The following SLAIN2 variants were observed in gnomAD, a reference collection of about 807,000 sequenced individuals.
SLAIN2 encodes SLAIN motif-containing protein 2.
In SLAIN2, 31 loss-of-function variants were observed where a neutral mutation model predicts 56.6. The ratio of observed to expected loss-of-function variants is 0.55; its 90% CI spans 0.41 to 0.74. The LOEUF (loss-of-function observed/expected upper bound fraction) is 0.74. Among genes scored for constraint, SLAIN2 ranks in the 30% least tolerant of loss-of-function variants. SLAIN2 has a pLI of 0.00. For missense variants in SLAIN2, 777 were observed against 754.2 expected, an observed-to-expected ratio of 1.03 and a Z score of -0.35; for synonymous variants, 317 against 284.9, an observed-to-expected ratio of 1.11 and a Z score of -1.13.
intron 1 of SLAIN2, among the ~76,000 whole-genome samples, chr4:48,346,296 G>A (rs956981079): frequency 6.6e-6 from 1 of 151,780 alleles, no homozygotes; most frequent in Admixed American, 6.6e-5. Context: ...GATCCTGCCC[G>A]TGTTCACCAT....
In SLAIN2 at chr4:48,423,260, T is replaced by G. The variant is rs1717209632; in HGVS notation, c.*1183T>G. 7.3e-6 allele frequency: 1 copy of G among 136,366 alleles called. No homozygotes were observed. Among genetic ancestry groups the G allele is most frequent in the Admixed American group, 7.4e-5 (1 of 13,542 alleles). The allele number at this position is 136,366 out of a possible 1,614,324, so 8.4% of individuals were successfully genotyped here. A position where few individuals can be genotyped will look rare whatever the true frequency, so the allele number is the denominator to read the frequency against. On this transcript the variant is annotated 3_prime_UTR_variant, in exon 8 of 8. Transcript: ENST00000264313. ...TGACTTAGATTCTGCCTTACATCAA[T>G]TTTTGCATTTTTGGTAAAAAAAAAA...
chr4:48,373,072 TC>T (rs1715713141), intron 2 of SLAIN2, among the ~76,000 whole-genome samples: 1 of 152,166 alleles, frequency 6.6e-6, no homozygotes, highest in Non-Finnish European at 1.5e-5. Context: ...TCATTTACCC[TC>T]CCTGCTCTTT....
At chr4:48,384,676 T>C (rs926065950) in intron 6 of SLAIN2, among the ~76,000 whole-genome samples, 2 of 152,204 alleles carry the variant, frequency 1.3e-5, no homozygotes, top group African/African-American at 2.4e-5. Flanking sequence ...GGGTGGTTAC[T>C]AACCCATGAA....
intron 1 of SLAIN2, among the ~76,000 whole-genome samples, chr4:48,354,573 T>C (rs1715106548): frequency 1.3e-5 from 2 of 152,048 alleles, no homozygotes; most frequent in African/African-American, 4.8e-5. Flanking sequence ...TTCAAGCGAT[T>C]CTCCTGCCTC....
rs751365974 is a variant in SLAIN2, at chr4:48,382,708, G to A, written c.1003G>A (p.Val335Ile). ...TGAAGATGACAATATGCATCATGCA[G>A]TATACCCTGCTGTTAACAGGTTTTC... The part of the protein sequence containing the change: ...DDEDDNMHHA[V>I]YPAVNRFSPS... Residue 335 changes from valine to isoleucine, a missense_variant, in exon 5 of 8, where the codon GTA becomes ATA. Val to Ile is a conservative substitution (Grantham distance 29). Coordinates refer to ENST00000264313, the MANE Select transcript of SLAIN2 (RefSeq NM_020846.2). 2 of 1,613,754 alleles carry A rather than the reference G, an allele frequency of 1.2e-6. No homozygotes were observed. Among genetic ancestry groups the A allele is most frequent in the South Asian group, 1.1e-5 (1 of 91,078 alleles).
chr4:48,412,417 T>C (rs62309451), intron 6 of SLAIN2, among the ~76,000 whole-genome samples: 207 of 17,112 alleles, frequency 0.012, 6 homozygotes, highest in Middle Eastern at 0.071. Flanking sequence ...CACACACACA[T>C]TCCCTCTCTC....
intron 6 of SLAIN2, among the ~76,000 whole-genome samples, chr4:48,419,696 CAGATACTTGATACATGTTTACG>C (rs1280663071): frequency 4.6e-5 from 7 of 152,284 alleles, no homozygotes; most frequent in African/African-American, 1.7e-4. Flanking sequence ...ATAGAGCCTC[CAGATACTTGATACATGTTTACG>C]TGAATGTTTC....
chr4:48,383,816 GTTAT>G (rs1178323216), intron 6 of SLAIN2, 32 bp downstream of exon 6: 1 of 1,577,784 alleles, frequency 6.3e-7, no homozygotes, highest in Non-Finnish European at 8.6e-7. Flanking sequence ...TCATGTATCA[GTTAT>G]TTAAAGAGAA....
At position 48,350,603 on chromosome 4, in the gene SLAIN2, GT is replaced by G. The variant is rs1046624228; in HGVS notation, c.389+8479del. On this transcript the variant is annotated intron_variant, in intron 1 of 7. Coordinates refer to ENST00000264313, the MANE Select transcript of SLAIN2 (RefSeq NM_020846.2). The stretch of plus-strand genomic sequence containing the variant: ...AAAATGAATTTGTAAAATAATGTAG[GT>G]TTTAAGGCTTTGGTAATAATAAGTT... Among the ~76,000 whole-genome samples, 9 of 152,256 alleles carry G rather than the reference GT, an allele frequency of 5.9e-5. No homozygotes were observed. The Middle Eastern group carries it at 0.014, about 230-fold the overall frequency.
intron 1 of SLAIN2, among the ~76,000 whole-genome samples, chr4:48,351,866 T>C (rs1190978459): frequency 6.6e-6 from 1 of 152,248 alleles, no homozygotes; most frequent in East Asian, 1.9e-4. Context: ...GTATATGGGC[T>C]TAAAAGTGAG....
chr4:48,394,935 C>A (rs968077258), intron 6 of SLAIN2, among the ~76,000 whole-genome samples: 3 of 152,140 alleles, frequency 2.0e-5, no homozygotes, highest in African/African-American at 7.2e-5. Context: ...CAACTTTTTG[C>A]CAACTGAACT....
At chr4:48,360,725 A>T (rs1344731592) in intron 1 of SLAIN2, among the ~76,000 whole-genome samples, 1 of 152,202 alleles carries the variant, frequency 6.6e-6, no homozygotes, top group Non-Finnish European at 1.5e-5. Flanking sequence ...TTTTCAGCAT[A>T]CTGAAAAGAA....
At chr4:48,374,827 T>C (rs114790100) in intron 2 of SLAIN2, among the ~76,000 whole-genome samples, 211 of 152,278 alleles carry the variant, frequency 1.4e-3, no homozygotes, top group African/African-American at 5.1e-3. Flanking sequence ...ATATCAGTAG[T>C]GATTTCTAAG....
chr4:48,408,863 T>C (rs1716773034), intron 6 of SLAIN2, among the ~76,000 whole-genome samples: 1 of 152,156 alleles, frequency 6.6e-6, no homozygotes, highest in South Asian at 2.1e-4. Context: ...TTCTATAAGC[T>C]CCATTCATGG....
At chr4:48,366,917 C>T (rs1460352916) in intron 1 of SLAIN2, among the ~76,000 whole-genome samples, 1 of 151,946 alleles carries the variant, frequency 6.6e-6, no homozygotes, top group Non-Finnish European at 1.5e-5. Flanking sequence ...TTGTGTCCCT[C>T]TTGATTAAAT....
At chr4:48,395,229 G>A (rs2109772455) in intron 6 of SLAIN2, among the ~76,000 whole-genome samples, 1 of 152,148 alleles carries the variant, frequency 6.6e-6, no homozygotes, top group South Asian at 2.1e-4. Context: ...GATGGAAGTA[G>A]AATTAAGAGA....
intron 6 of SLAIN2, among the ~76,000 whole-genome samples, chr4:48,418,611 C>CT (rs1717062629): frequency 6.6e-6 from 1 of 152,066 alleles, no homozygotes; most frequent in Non-Finnish European, 1.5e-5. Context: ...CCGAAGTTTT[C>CT]TTTTTTGATA....
chr4:48,361,468 A>G (rs1553902175), intron 1 of SLAIN2, among the ~76,000 whole-genome samples: 1 of 152,186 alleles, frequency 6.6e-6, no homozygotes, highest in Non-Finnish European at 1.5e-5. Context: ...TCATTTTTAG[A>G]AAAAAACTCC....
chr4:48,419,718 G>A (rs187945283), intron 6 of SLAIN2, among the ~76,000 whole-genome samples: 8 of 152,296 alleles, frequency 5.3e-5, no homozygotes, highest in Non-Finnish European at 8.8e-5. Context: ...ACATGTTTAC[G>A]TGAATGTTTC....
Sources: gnomAD v4.1 joint callset for allele counts (sites outside exome capture counted in the v4.1 genomes callset) on GRCh38, gnomAD v4.1.1 for gene constraint, MANE v1.5 for transcripts, NCBI Gene and HGNC (gene_info 2026-07-23, HGNC 2026-07-21) for gene names.